CAMK1D: variants seen among roughly 807,000 people sequenced by gnomAD.
CAMK1D encodes the protein calcium/calmodulin dependent protein kinase ID.
A neutral mutation model predicts 47.7 loss-of-function variants in CAMK1D; 9 were observed. That is an observed-to-expected ratio of 0.19 (90% CI 0.11 to 0.33). The LOEUF (loss-of-function observed/expected upper bound fraction) is 0.33, where lower values mean the gene tolerates loss of function less well. CAMK1D is among the 10% of genes least tolerant of loss of function. The probability of loss-of-function intolerance (pLI) is 1.00; values close to 1 mark genes in which losing one functional copy is unlikely to be tolerated. For missense variants in CAMK1D, 291 were observed against 488.7 expected (o/e 0.60, Z 3.81); for synonymous variants, 184 against 184.9 (o/e 0.99, Z 0.04).
chr10:12,754,719 G>A (rs938739101), intron 3 of CAMK1D, among the ~76,000 whole-genome samples: 1 of 152,208 alleles, frequency 6.6e-6, no homozygotes, highest in African/African-American at 2.4e-5. Flanking sequence ...TCCTTGGCTT[G>A]CAGACGGCTG....
At chr10:12,694,103 TATATAA>T (rs1833084456) in intron 3 of CAMK1D, among the ~76,000 whole-genome samples, 2 of 58,810 alleles carry the variant, frequency 3.4e-5, no homozygotes, top group Admixed American at 6.6e-4. Flanking sequence ...TATTATATAA[TATATAA>T]TATATATTAT....
At chr10:12,658,746 C>A (rs1173551681) in intron 2 of CAMK1D, among the ~76,000 whole-genome samples, 3 of 152,106 alleles carry the variant, frequency 2.0e-5, no homozygotes, top group Non-Finnish European at 2.9e-5. Flanking sequence ...GAGGAGAGCC[C>A]AGCCGCTGGG....
intron 1 of CAMK1D, among the ~76,000 whole-genome samples, chr10:12,412,076 A>G (rs1171099160): frequency 6.6e-6 from 1 of 152,200 alleles, no homozygotes; most frequent in Non-Finnish European, 1.5e-5. Flanking sequence ...GGCAAAGTAG[A>G]ATATTGAAGA....
At chr10:12,485,101 C>G (rs1327491327) in intron 1 of CAMK1D, among the ~76,000 whole-genome samples, 1 of 152,190 alleles carries the variant, frequency 6.6e-6, no homozygotes, top group Non-Finnish European at 1.5e-5. Context: ...TCACCGCTCC[C>G]CATACGGGTA....
chr10:12,801,193 A>C (rs940139776), intron 6 of CAMK1D, among the ~76,000 whole-genome samples: 3 of 152,040 alleles, frequency 2.0e-5, no homozygotes, highest in African/African-American at 7.3e-5. Flanking sequence ...TCACTATGTC[A>C]CTGGAACTTT....
At chr10:12,434,320 A>G (rs75422119) in intron 1 of CAMK1D, among the ~76,000 whole-genome samples, 2,919 of 152,306 alleles carry the variant, frequency 0.019, 100 homozygotes, top group African/African-American at 0.066. Context: ...CAGGTAAGCC[A>G]TTTGGCCTTT....
intron 1 of CAMK1D, among the ~76,000 whole-genome samples, chr10:12,410,277 CTCTT>C (rs1404071442): frequency 6.6e-6 from 1 of 152,174 alleles, no homozygotes; most frequent in East Asian, 1.9e-4. Context: ...TTCTTTCTGT[CTCTT>C]TCTGTGTGTG....
chr10:12,651,227 A>G (rs1839954650), intron 2 of CAMK1D, among the ~76,000 whole-genome samples: 1 of 152,182 alleles, frequency 6.6e-6, no homozygotes, highest in Non-Finnish European at 1.5e-5. Context: ...CTCTGATGAA[A>G]TAGCAACTCA....
chr10:12,620,543 G>A (rs1459988930), intron 2 of CAMK1D, among the ~76,000 whole-genome samples: 2 of 152,168 alleles, frequency 1.3e-5, no homozygotes, highest in Non-Finnish European at 2.9e-5. Flanking sequence ...CTTTCTATGG[G>A]CCTACTTGCC....
chr10:12,502,488 A>G (rs919256869), intron 1 of CAMK1D, among the ~76,000 whole-genome samples: 12 of 152,118 alleles, frequency 7.9e-5, no homozygotes, highest in Non-Finnish European at 1.5e-4. Context: ...ACTGACCAGC[A>G]TCCCATGGGA....
intron 3 of CAMK1D, chr10:12,667,027 T>G (rs1217965680): frequency 1.9e-6 from 1 of 516,474 alleles, no homozygotes; most frequent in African/African-American, 1.9e-5. Flanking sequence ...ACTGCTGGGC[T>G]GGACTGATAA....
At chr10:12,746,496 C>T (rs1040184944) in intron 3 of CAMK1D, among the ~76,000 whole-genome samples, 4 of 152,108 alleles carry the variant, frequency 2.6e-5, no homozygotes, top group Non-Finnish European at 5.9e-5. Context: ...TTTTCTGTGC[C>T]ATTCATTTCC....
chr10:12,566,369 C>G (rs965444113), intron 2 of CAMK1D, among the ~76,000 whole-genome samples: 1 of 152,158 alleles, frequency 6.6e-6, no homozygotes, highest in Non-Finnish European at 1.5e-5. Flanking sequence ...CGGCCTTCTT[C>G]CAGGGGTGAG....
intron 1 of CAMK1D, among the ~76,000 whole-genome samples, chr10:12,524,603 A>G (rs11592666): frequency 0.012 from 1,786 of 152,138 alleles, 14 homozygotes; most frequent in Non-Finnish European, 0.018. Flanking sequence ...GCTACTCAGG[A>G]GGCTGAGGCA....
At chr10:12,828,287 T>C (rs1345000761) in intron 10 of CAMK1D, among the ~76,000 whole-genome samples, 1 of 152,150 alleles carries the variant, frequency 6.6e-6, no homozygotes, top group Non-Finnish European at 1.5e-5. Context: ...ATAAAGCATT[T>C]TGAACCCATT....
chr10:12,423,522 AAAAG>A (rs555652254), intron 1 of CAMK1D, among the ~76,000 whole-genome samples: 33 of 152,206 alleles, frequency 2.2e-4, no homozygotes, highest in African/African-American at 6.0e-4. Context: ...CTAAAGAAAA[AAAAG>A]AAAGAAAGGC....
intron 5 of CAMK1D, among the ~76,000 whole-genome samples, chr10:12,783,650 C>T (rs1258235046): frequency 6.6e-6 from 1 of 152,216 alleles, no homozygotes; most frequent in African/African-American, 2.4e-5. Flanking sequence ...CCCTTGGTTA[C>T]GCCTTGTTCT....
chr10:12,674,599 CTTTT>C (rs11391139), intron 3 of CAMK1D, among the ~76,000 whole-genome samples: 1 of 63,472 alleles, frequency 1.6e-5, no homozygotes, highest in Non-Finnish European at 2.8e-5. Context: ...TGGAAAAATG[CTTTT>C]TTTTTTTTTT....
chr10:12,529,720 A>G lies in CAMK1D; in HGVS notation c.93-23505A>G, dbSNP rs192953128. Among the ~76,000 whole-genome samples the G allele has an allele frequency of 2.0e-3, 308 of 152,306 alleles. 7 individuals carry two copies. The highest frequency in any genetic ancestry group is 0.015 in the Admixed American group (229 of 15,302). On this transcript the variant is annotated intron_variant, in intron 1 of 10. Coordinates refer to ENST00000619168, the MANE Select transcript of CAMK1D (RefSeq NM_153498.4). ...AAATTTTGCTCGTGGTGGCTGAGCA[A>G]GAAAGTCTCTTTTAAGCAAACGTAA...
Sources: gnomAD v4.1 joint callset for allele counts (sites outside exome capture counted in the v4.1 genomes callset) on GRCh38, gnomAD v4.1.1 for gene constraint, MANE v1.5 for transcripts, NCBI Gene and HGNC (gene_info 2026-07-23, HGNC 2026-07-21) for gene names.